Variants in NEDD4L observed in about 807,000 individuals in gnomAD.
NEDD4L encodes the protein NEDD4 like E3 ubiquitin protein ligase, also known as E3 ubiquitin-protein ligase NEDD4-like.
NEDD4L carries 54 observed loss-of-function variants against 148.9 expected under a neutral mutation model. The observed-to-expected ratio is 0.36, with a 90% CI of 0.29 to 0.45. The LOEUF is 0.45. Ranked by LOEUF, NEDD4L falls within the 20% of genes least tolerant of loss-of-function variation. NEDD4L has a pLI of 1.00. For synonymous variants in NEDD4L, 433 were observed against 440.7 expected, an observed-to-expected ratio of 0.98 and a Z score of 0.22; for missense variants, 856 against 1,233.8, an observed-to-expected ratio of 0.69 and a Z score of 4.59.
intron 24 of NEDD4L, among the ~76,000 whole-genome samples, chr18:58,374,885 G>A (rs999891732): frequency 9.9e-5 from 15 of 151,916 alleles, no homozygotes; most frequent in African/African-American, 1.9e-4. Flanking sequence ...CTGTGGCTCC[G>A]GCTGCACCCA....
At chr18:58,138,919 AG>A (rs1568271229) in intron 1 of NEDD4L, among the ~76,000 whole-genome samples, 1 of 152,224 alleles carries the variant, frequency 6.6e-6, no homozygotes, top group African/African-American at 2.4e-5. Flanking sequence ...AGTCCCTGAC[AG>A]GGTTAGGCAC....
In NEDD4L at chr18:58,168,016, C is replaced by T. The variant is rs114709337; in HGVS notation, c.122+2155C>T. Among the ~76,000 whole-genome samples, 271 of 152,178 alleles carry T rather than the reference C, an allele frequency of 1.8e-3. 1 individual carries two copies. The highest frequency in any genetic ancestry group is 6.4e-3 in the African/African-American group (266 of 41,526). ...AATTAGGCTCCAAATCTTAGAAGAG[C>T]AAATTCGTACCTTGAATTTTTACTG... On this transcript the variant is annotated intron_variant, in intron 2 of 30. Transcript: ENST00000400345.
intron 2 of NEDD4L, among the ~76,000 whole-genome samples, chr18:58,197,131 G>A (rs1292342918): frequency 6.6e-6 from 1 of 152,184 alleles, no homozygotes; most frequent in East Asian, 1.9e-4. Flanking sequence ...GAACAGCAAA[G>A]TGGTTTAGTG....
At chr18:58,322,994 G>T (rs563373773) in intron 7 of NEDD4L, among the ~76,000 whole-genome samples, 74 of 138,084 alleles carry the variant, frequency 5.4e-4, no homozygotes, top group Admixed American at 2.9e-3. Context: ...TGCCCTGCGT[G>T]CTGTGGGTAT....
rs2046183980 is a variant in NEDD4L at position 58,366,932 on chromosome 18, T to A, written c.2063+704T>A. On this transcript the variant is annotated intron_variant, in intron 21 of 30. Coordinates refer to ENST00000400345, the MANE Select transcript of NEDD4L (RefSeq NM_001144967.3). The surrounding 1 kb of genome is among the most constrained non-coding windows in gnomAD (Gnocchi z 4.2). ...CCACATCTCCCACCTGGTACCAGTC[T>A]CCTGGGGGCTCATTTGGAAGGCCGC... Among the ~76,000 whole-genome samples, 1 of 152,232 alleles carries A rather than the reference T, an allele frequency of 6.6e-6. No individual in the cohort carries two copies. The highest frequency in any genetic ancestry group is 2.4e-5 in the African/African-American group (1 of 41,464).
intron 4 of NEDD4L, among the ~76,000 whole-genome samples, chr18:58,251,134 T>C (rs2047877449): frequency 6.6e-6 from 1 of 152,134 alleles, no homozygotes; most frequent in African/African-American, 2.4e-5. Context: ...CGGCTCCTCA[T>C]TTATAAAATT....
At chr18:58,171,588 C>T (rs2037515165) in intron 2 of NEDD4L, among the ~76,000 whole-genome samples, 1 of 152,266 alleles carries the variant, frequency 6.6e-6, no homozygotes, top group South Asian at 2.1e-4. Flanking sequence ...GTTTGCAGGT[C>T]CAGAAATCTT....
chr18:58,093,179 G>A (rs949095806), intron 1 of NEDD4L, among the ~76,000 whole-genome samples: 5 of 152,152 alleles, frequency 3.3e-5, no homozygotes, highest in Non-Finnish European at 7.3e-5. Context: ...AAATGGTGAT[G>A]GAAATAGGTT....
chr18:58,244,185 C>G (rs2046975737), intron 2 of NEDD4L, among the ~76,000 whole-genome samples: 1 of 152,150 alleles, frequency 6.6e-6, no homozygotes, highest in South Asian at 2.1e-4. Flanking sequence ...GGTTAATAGT[C>G]ATAGTATAGC....
chr18:58,066,813 TG>T (rs1271829904), intron 1 of NEDD4L, among the ~76,000 whole-genome samples: 2 of 151,298 alleles, frequency 1.3e-5, no homozygotes, highest in African/African-American at 4.9e-5. Flanking sequence ...GGAAGAGGGG[TG>T]GGGTGCCACA....
intron 18 of NEDD4L, among the ~76,000 whole-genome samples, chr18:58,351,596 G>T (rs894096369): frequency 6.6e-6 from 1 of 152,100 alleles, no homozygotes; most frequent in Non-Finnish European, 1.5e-5. Context: ...ATGAAAAAAT[G>T]TGTGGTTTCT....
intron 5 of NEDD4L, among the ~76,000 whole-genome samples, chr18:58,284,565 C>T (rs937544507): frequency 1.1e-4 from 14 of 121,918 alleles, no homozygotes; most frequent in African/African-American, 4.5e-4. Flanking sequence ...GAGAGTTATA[C>T]GAATAGAAGT....
intron 5 of NEDD4L, among the ~76,000 whole-genome samples, chr18:58,310,534 A>G (rs1274012882): frequency 2.6e-5 from 4 of 152,258 alleles, no homozygotes; most frequent in African/African-American, 9.6e-5. Context: ...TTTCAGTGAC[A>G]TATTTTGAAG....
chr18:58,250,536 A>G (rs1024434968), intron 4 of NEDD4L, among the ~76,000 whole-genome samples: 3 of 152,160 alleles, frequency 2.0e-5, no homozygotes, highest in African/African-American at 2.4e-5. Context: ...GTGACCCTTC[A>G]TAGAGCTTCT....
Position 58,396,207 on chromosome 18 carries a change from G to A in NEDD4L, c.2866G>A (p.Asp956Asn). 1.2e-6 allele frequency: 2 copies of A among 1,613,670 alleles called. No individual in the cohort carries two copies. Among genetic ancestry groups the A allele is most frequent in the Non-Finnish European group, 1.7e-6 (2 of 1,179,744 alleles). ...LDLPPYETFEDLREKLLMAVE... is the reference protein window; with the variant it reads ...LDLPPYETFENLREKLLMAVE... ...CTTACCTCCATATGAAACCTTTGAAGATTTACGAGAGAAACTTCTCATGGC... is the reference window on the plus strand; with the variant it reads ...CTTACCTCCATATGAAACCTTTGAAAATTTACGAGAGAAACTTCTCATGGC... Residue 956 changes from aspartate (D) to asparagine (N), a missense_variant, in exon 31 of 31, where the codon GAT becomes AAT. By Grantham distance (23) the Asp-to-Asn change is conservative. Around this residue, in one of 4 missense-constraint regions of NEDD4L, gnomAD observed 286 missense variants for 531.8 expected, o/e 0.54. Transcript: ENST00000400345.
rs771263533 is a variant in NEDD4L, at chr18:58,348,326, C to CTTTTTTTTTTTTTTTTTTT, written c.1576-1206_1576-1188dup. The stretch of plus-strand genomic sequence containing the variant: ...CACTGCATTTCTTTTTCTTTTTTTT[C>CTTTTTTTTTTTTTTTTTTT]TTTTTTTTTTTTTTTTTTTTTTTGA... On this transcript the variant is annotated intron_variant, in intron 16 of 30. Transcript: ENST00000400345. 6.2e-4 allele frequency among the ~76,000 whole-genome samples: 55 copies of CTTTTTTTTTTTTTTTTTTT among 88,646 alleles called. 2 individuals carry two copies. Among genetic ancestry groups the CTTTTTTTTTTTTTTTTTTT allele is most frequent in the African/African-American group, 9.7e-4 (18 of 18,524 alleles). 58.2% of individuals were successfully genotyped at this position (88,646 alleles called of 152,430 possible).
intron 23 of NEDD4L, among the ~76,000 whole-genome samples, chr18:58,372,846 AAG>A (rs1555854579): frequency 5.0e-5 from 7 of 139,242 alleles, no homozygotes; most frequent in African/African-American, 1.5e-4. Flanking sequence ...AAAAAAAAAA[AAG>A]AGAGAGAGAA....
chr18:58,194,330 C>T (rs1404669776), intron 2 of NEDD4L, among the ~76,000 whole-genome samples: 1 of 152,214 alleles, frequency 6.6e-6, no homozygotes. Context: ...TGGACATTCA[C>T]TTGATAAGTG....
chr18:58,122,667 T>C (rs2030166830), intron 1 of NEDD4L, among the ~76,000 whole-genome samples: 1 of 152,210 alleles, frequency 6.6e-6, no homozygotes, highest in Admixed American at 6.5e-5. Flanking sequence ...CTGGCTGATT[T>C]ATTGTTTGCT....
Sources: gnomAD v4.1 joint callset for allele counts (sites outside exome capture counted in the v4.1 genomes callset) on GRCh38, gnomAD v4.1.1 for gene constraint, gnomAD v4.1.1 regional missense constraint, Gnocchi (gnomAD v3.1) non-coding constraint, MANE v1.5 for transcripts, NCBI Gene and HGNC (gene_info 2026-07-23, HGNC 2026-07-21) for gene names.